The following PML variants were observed in gnomAD, a reference collection of about 807,000 sequenced individuals.
PML encodes protein PML.
A neutral mutation model predicts 65.2 loss-of-function variants in PML; 28 were observed. The ratio of observed to expected loss-of-function variants is 0.43; its 90% CI spans 0.32 to 0.59. PML has a LOEUF of 0.59. Among genes scored for constraint, PML ranks in the 20% least tolerant of loss-of-function variants. The probability of loss-of-function intolerance (pLI) is 0.08; values close to 1 mark genes in which losing one functional copy is unlikely to be tolerated. For synonymous variants in PML, 500 were observed against 508.8 expected (o/e 0.98, Z 0.23); for missense variants, 1,021 against 1,203.4 (o/e 0.85, Z 2.24).
rs2071510568 is a variant in PML, at chr15:74,035,481, T to G, written c.1710+951T>G. ...CATCCGCCTTCGCCATGCCCTCCGC[T>G]TGCACCCTCAATTGCATCGGGCCCC... On this transcript the variant is annotated intron_variant, in intron 7 of 8. Transcript: ENST00000268058. The surrounding 1 kb of genome is among the most constrained non-coding windows in gnomAD (Gnocchi z 4.1). 2 of 1,612,402 alleles carry G rather than the reference T, an allele frequency of 1.2e-6. No homozygotes were observed. The highest frequency in any genetic ancestry group is 1.7e-5 in the Admixed American group (1 of 59,988).
chr15:74,034,608 G>A, intron 7 of PML, 78 bp downstream of exon 7: 2 of 1,614,102 alleles, frequency 1.2e-6, no homozygotes, highest in East Asian at 2.2e-5. Flanking sequence ...CACAGCAGGT[G>A]ACTCTCAGAC....
At chr15:74,033,495 T>A (rs2071410391) in intron 6 of PML, 81 bp downstream of exon 6, 3 of 1,521,800 alleles carry the variant, frequency 2.0e-6, no homozygotes, top group Non-Finnish European at 2.7e-6. Context: ...TTTGGCCCCA[T>A]CCAGAAAGCC....
chr15:74,007,531 G>A (rs776846700), intron 2 of PML, among the ~76,000 whole-genome samples: 1 of 152,210 alleles, frequency 6.6e-6, no homozygotes, highest in African/African-American at 2.4e-5. Flanking sequence ...AAACTTCAAT[G>A]CCATAAATAA....
chr15:74,020,729 C>T (rs974369216), intron 2 of PML, among the ~76,000 whole-genome samples: 6 of 152,134 alleles, frequency 3.9e-5, no homozygotes, highest in Non-Finnish European at 5.9e-5. Flanking sequence ...GGCTTTGCTC[C>T]TTTGGGAGGC....
intron 2 of PML, among the ~76,000 whole-genome samples, chr15:74,020,808 C>G (rs1433678842): frequency 6.6e-6 from 1 of 152,130 alleles, no homozygotes; most frequent in Non-Finnish European, 1.5e-5. Context: ...GTGCATGGCC[C>G]CTTTCTGTCT....
At position 74,035,204 on chromosome 15, in the gene PML, G is replaced by A; in HGVS notation, c.1710+674G>A. 1 of 1,466,774 alleles carries A rather than the reference G, an allele frequency of 6.8e-7. No homozygotes were observed. Among genetic ancestry groups the A allele is most frequent in the South Asian group, 1.1e-5 (1 of 88,196 alleles). 90.9% of individuals were successfully genotyped at this position (1,466,774 alleles called of 1,614,324 possible). ...AGCCCATGGAGACCGCCGAGCCACA[G>A]TCCTCGCCAGCCCACTCCTCGCCAG... On this transcript the variant is annotated intron_variant, in intron 7 of 8. Coordinates refer to ENST00000268058, the MANE Select transcript of PML (RefSeq NM_033238.3). The surrounding 1 kb of genome is among the most constrained non-coding windows in gnomAD (Gnocchi z 4.1).
At chr15:73,997,700 T>G (rs981972343) in intron 1 of PML, among the ~76,000 whole-genome samples, 1 of 152,194 alleles carries the variant, frequency 6.6e-6, no homozygotes, top group Non-Finnish European at 1.5e-5. Context: ...AGGTTGGTAC[T>G]TAGTGTATCT....
At chr15:74,025,256 C>T (rs181461925) in intron 4 of PML, 2 of 392,076 alleles carry the variant, frequency 5.1e-6, no homozygotes, top group Non-Finnish European at 9.8e-6. Flanking sequence ...ATATTAGTGC[C>T]TTCCAGCCAT....
At chr15:74,031,172 A>G (rs187967181) in intron 4 of PML, 101 of 358,926 alleles carry the variant, frequency 2.8e-4, no homozygotes, top group African/African-American at 1.9e-3. Flanking sequence ...GCAACCACCA[A>G]TCTGCTTTCT....
intron 1 of PML, 151 bp from the exon 2 acceptor site, chr15:73,997,853 G>T: frequency 1.4e-6 from 1 of 694,638 alleles, no homozygotes. Context: ...GGGGTATTGG[G>T]GTGCTGATAA....
At chr15:74,020,261 C>G (rs907015271) in intron 2 of PML, among the ~76,000 whole-genome samples, 3 of 147,502 alleles carry the variant, frequency 2.0e-5, no homozygotes, top group African/African-American at 7.5e-5. Flanking sequence ...ACCCTTTCTT[C>G]TGGCCTCAGG....
At chr15:74,015,865 C>T (rs544472024) in intron 2 of PML, among the ~76,000 whole-genome samples, 1 of 152,158 alleles carries the variant, frequency 6.6e-6, no homozygotes, top group Non-Finnish European at 1.5e-5. Context: ...TTGCTCAAGG[C>T]CTTGTAGCTA....
At chr15:74,005,829 A>G (rs996529349) in intron 2 of PML, among the ~76,000 whole-genome samples, 1 of 152,110 alleles carries the variant, frequency 6.6e-6, no homozygotes, top group East Asian at 1.9e-4. Context: ...GTAAAAGTTG[A>G]CATCTAGATT....
chr15:74,001,614 T>C (rs2069767000), intron 2 of PML, among the ~76,000 whole-genome samples: 1 of 152,244 alleles, frequency 6.6e-6, no homozygotes, highest in Non-Finnish European at 1.5e-5. Flanking sequence ...GTTCTGGGAT[T>C]ACAGGCGTGA....
At chr15:74,003,889 G>C (rs1226602695) in intron 2 of PML, among the ~76,000 whole-genome samples, 2 of 152,150 alleles carry the variant, frequency 1.3e-5, no homozygotes, top group Non-Finnish European at 2.9e-5. Flanking sequence ...GAGACCTTAA[G>C]TGTCTTTACT....
Position 74,033,357 on chromosome 15 carries a change from G to A in PML, c.1600G>A (p.Gly534Arg). Residue 534 changes from glycine (G) to arginine (R), a missense_variant, in exon 6 of 9, where the codon GGA (glycine) becomes AGA (arginine). Transcript: ENST00000268058. ...GCCTAGCCCCAGGAGCCCCGTCATA[G>A]GAAGTGAGGTCTTCCTGCCCAACAG... ...GPPSPRSPVI[G>R]SEVFLPNSNH... is the part of the protein sequence containing the mutation. 1 of 1,613,776 alleles carries A rather than the reference G, an allele frequency of 6.2e-7. No homozygotes were observed. The highest frequency in any genetic ancestry group is 1.7e-5 in the Admixed American group (1 of 60,032).
chr15:74,032,305 G>A (rs2071356362), intron 4 of PML: 7 of 518,338 alleles, frequency 1.4e-5, no homozygotes, highest in Middle Eastern at 5.2e-4. Context: ...ACTGAAACAG[G>A]AGAATTGCTC....
In PML at chr15:74,044,430, C is replaced by T; in HGVS notation, c.2071C>T (p.Leu691=). ...GPGLPNFFRA[L]EDINRLWEFQ... ...TGGCCTCCCAAACTTCTTCCGGGCC[C>T]TGGAGGACATTAACAGGCTGTGGGA... The change falls in exon 9 of 9, where the codon CTG becomes TTG. Residue 691 remains leucine (L), a synonymous_variant. Transcript: ENST00000268058. The T allele has an allele frequency of 6.2e-7, 1 of 1,614,202 alleles. No homozygotes were observed. The highest frequency in any genetic ancestry group is 8.5e-7 in the Non-Finnish European group (1 of 1,180,036).
rs1195951958 is a variant in PML, at chr15:74,042,352, C to G, written c.1711-637C>G. 1.4e-5 allele frequency: 14 copies of G among 985,412 alleles called. No homozygotes were observed. Among genetic ancestry groups the G allele is most frequent in the Non-Finnish European group, 1.6e-5 (13 of 829,904 alleles). 61.0% of individuals were successfully genotyped at this position (985,412 alleles called of 1,614,324 possible). A position where few individuals can be genotyped will look rare whatever the true frequency, so the allele number is the denominator to read the frequency against. On this transcript the variant is annotated intron_variant, in intron 7 of 8. Coordinates refer to ENST00000268058, the MANE Select transcript of PML (RefSeq NM_033238.3). The surrounding 1 kb of genome is among the most constrained non-coding windows in gnomAD (Gnocchi z 5.3). ...GTGGCCTTCAGGAGGCCAAGCAGTC[C>G]TTCCCCTCGCCTTTGTGTAGGACAC...
Sources: allele counts gnomAD v4.1 joint callset (sites outside exome capture counted in the v4.1 genomes callset), GRCh38; gene constraint gnomAD v4.1.1; non-coding constraint Gnocchi (gnomAD v3.1); transcripts MANE v1.5; gene names NCBI Gene and HGNC (gene_info 2026-07-23, HGNC 2026-07-21).